MC2R: variants seen among roughly 807,000 people sequenced by gnomAD.
MC2R encodes adrenocorticotropic hormone receptor.
A neutral mutation model predicts 9.8 loss-of-function variants in MC2R; 9 were observed. That is an observed-to-expected ratio of 0.92 (90% CI 0.55 to 1.60). The LOEUF (loss-of-function observed/expected upper bound fraction) is 1.60. Ranked by LOEUF, MC2R falls within the 40% of genes most tolerant of loss-of-function variation. MC2R has a pLI of 0.00. For missense variants in MC2R, 370 were observed against 389.0 expected, an observed-to-expected ratio of 0.95 and a Z score of 0.41; for synonymous variants, 185 against 154.7, an observed-to-expected ratio of 1.20 and a Z score of -1.45.
chr18:13,899,826 A>T (rs1230000848), intron 1 of MC2R, among the ~76,000 whole-genome samples: 1 of 152,182 alleles, frequency 6.6e-6, no homozygotes, highest in African/African-American at 2.4e-5. Flanking sequence ...AGAGTTCATC[A>T]ACACTAGAAC....
intron 1 of MC2R, among the ~76,000 whole-genome samples, chr18:13,895,216 A>G (rs904198239): frequency 6.6e-6 from 1 of 152,266 alleles, no homozygotes; most frequent in Admixed American, 6.5e-5. Context: ...AAAGCATACA[A>G]GAAACAGAGT....
chr18:13,909,118 T>C (rs1179547496), intron 1 of MC2R, among the ~76,000 whole-genome samples: 1 of 151,858 alleles, frequency 6.6e-6, no homozygotes, highest in Non-Finnish European at 1.5e-5. Flanking sequence ...TAGGCTTCTC[T>C]TGGTTGTGAC....
intron 1 of MC2R, among the ~76,000 whole-genome samples, chr18:13,909,778 T>C (rs1446953643): frequency 1.3e-5 from 2 of 152,186 alleles, no homozygotes; most frequent in African/African-American, 4.8e-5. Flanking sequence ...CTGCAAGATG[T>C]TCCAGGCTCA....
chr18:13,894,149 T>TGTGTGTGTGTGCGTGC (rs1177158451), intron 1 of MC2R, among the ~76,000 whole-genome samples: 3 of 152,092 alleles, frequency 2.0e-5, no homozygotes, highest in Non-Finnish European at 2.9e-5. Flanking sequence ...TGTGTGTGTG[T>TGTGTGTGTGTGCGTGC]GTGTGTGTGT....
At chr18:13,910,414 C>G (rs1210282485) in intron 1 of MC2R, among the ~76,000 whole-genome samples, 1 of 152,148 alleles carries the variant, frequency 6.6e-6, no homozygotes, top group Non-Finnish European at 1.5e-5. Context: ...TTTGTTGGCT[C>G]TTCAAGCTCA....
chr18:13,906,527 T>C (rs1372802587), intron 1 of MC2R, among the ~76,000 whole-genome samples: 2 of 152,074 alleles, frequency 1.3e-5, no homozygotes, highest in Admixed American at 6.5e-5. Flanking sequence ...CTGCACGTTC[T>C]GCACATGTAT....
intron 1 of MC2R, among the ~76,000 whole-genome samples, chr18:13,893,444 AG>A (rs1397109277): frequency 6.6e-6 from 1 of 152,228 alleles, no homozygotes; most frequent in Non-Finnish European, 1.5e-5. Context: ...TATTCATACA[AG>A]CTGTGAAGTA....
At chr18:13,913,909 C>G (rs2045461289) in intron 1 of MC2R, among the ~76,000 whole-genome samples, 1 of 152,192 alleles carries the variant, frequency 6.6e-6, no homozygotes, top group African/African-American at 2.4e-5. Flanking sequence ...AGGCTGAGCC[C>G]TGCAGACAAC....
At chr18:13,907,748 C>A (rs1230429638) in intron 1 of MC2R, among the ~76,000 whole-genome samples, 1 of 152,194 alleles carries the variant, frequency 6.6e-6, no homozygotes, top group Non-Finnish European at 1.5e-5. Context: ...CAAAATAAGA[C>A]ATACAAATGG....
In MC2R at chr18:13,885,083, G is replaced by A. The variant is rs376816776; in HGVS notation, c.436C>T (p.Arg146Cys). 3.1e-6 allele frequency: 5 copies of A among 1,614,156 alleles called. No individual in the cohort carries two copies. Among genetic ancestry groups the A allele is most frequent in the Non-Finnish European group, 4.2e-6 (5 of 1,180,036 alleles). Residue 146 changes from arginine to cysteine, a missense_variant, in exon 2 of 2, where the codon CGC becomes TGC. Transcript: ENST00000327606. ...ATGACCGTAAGCACCACCACAGTGCGGCGCATGGTCACGATGCTGTGGTAC... is the reference window on the plus strand; with the variant it reads ...ATGACCGTAAGCACCACCACAGTGCAGCGCATGGTCACGATGCTGTGGTAC... ...LRYHSIVTMR[R>C]TVVVLTVIWT...
In MC2R at chr18:13,898,480, C is replaced by T. The variant is rs1217672548; in HGVS notation, c.-128-12834G>A. Among the ~76,000 whole-genome samples, 7 of 152,242 alleles carry T rather than the reference C, an allele frequency of 4.6e-5. No homozygotes were observed. In the South Asian group the frequency reaches 8.3e-4, roughly 18 times the overall value. On this transcript the variant is annotated intron_variant, in intron 1 of 1. Transcript: ENST00000327606. ...CCTGAAAGGAAAGACACAGGCCTGGCTGGCTTTTCCACCTGCGGATTGTAG... is the reference window on the plus strand; with the variant it reads ...CCTGAAAGGAAAGACACAGGCCTGGTTGGCTTTTCCACCTGCGGATTGTAG...
chr18:13,887,569 T>A (rs1317372986), intron 1 of MC2R, among the ~76,000 whole-genome samples: 2 of 152,204 alleles, frequency 1.3e-5, no homozygotes, highest in East Asian at 3.9e-4. Context: ...GTTCTAGGTG[T>A]GTCTGAGGGT....
rs1363803881 is a variant in MC2R at position 13,883,773 on chromosome 18, T to C, written c.*852A>G. ...ACAGCTTCTTCAAATAGTGACAATT[T>C]TCATCTGGCCTTTATGTATTCCCAC... On this transcript the variant is annotated 3_prime_UTR_variant, in exon 2 of 2. Transcript: ENST00000327606. 6.6e-6 allele frequency: 1 copy of C among 152,212 alleles called. No individual in the cohort carries two copies. Among genetic ancestry groups the C allele is most frequent in the Non-Finnish European group, 1.5e-5 (1 of 68,054 alleles). The allele number at this position is 152,212 out of a possible 1,614,324, so 9.4% of individuals were successfully genotyped here. A position where few individuals can be genotyped will look rare whatever the true frequency, so the allele number is the denominator to read the frequency against.
chr18:13,888,457 C>T (rs770776418), intron 1 of MC2R, among the ~76,000 whole-genome samples: 1 of 152,218 alleles, frequency 6.6e-6, no homozygotes. Context: ...GATGCATTCA[C>T]TCACTCAACC....
At chr18:13,892,575 G>C (rs1250226877) in intron 1 of MC2R, among the ~76,000 whole-genome samples, 1 of 152,080 alleles carries the variant, frequency 6.6e-6, no homozygotes, top group African/African-American at 2.4e-5. Flanking sequence ...CTAGATGCTT[G>C]GCTTGAACAG....
intron 1 of MC2R, among the ~76,000 whole-genome samples, chr18:13,898,223 G>A (rs897622886): frequency 5.3e-5 from 8 of 152,168 alleles, no homozygotes; most frequent in South Asian, 2.1e-4. Flanking sequence ...AGGAAACATC[G>A]GTGGTAGGCT....
At chr18:13,897,098 T>G (rs997275293) in intron 1 of MC2R, among the ~76,000 whole-genome samples, 2 of 152,188 alleles carry the variant, frequency 1.3e-5, no homozygotes, top group East Asian at 3.8e-4. Flanking sequence ...AACTTCATAT[T>G]GCTGAAAGAA....
chr18:13,882,998 C>A lies in MC2R; in HGVS notation c.*1627G>T, dbSNP rs2045242600. The A allele has an allele frequency of 6.6e-6, 1 of 152,252 alleles. No individual in the cohort carries two copies. Among genetic ancestry groups the A allele is most frequent in the East Asian group, 1.9e-4 (1 of 5,190 alleles). The allele number at this position is 152,252 out of a possible 1,614,324, so 9.4% of individuals were successfully genotyped here. On this transcript the variant is annotated 3_prime_UTR_variant, in exon 2 of 2. Coordinates refer to ENST00000327606, the MANE Select transcript of MC2R (RefSeq NM_000529.2). ...GACAGGCCATGTGAAAGCACGCCTG[C>A]CACTGTCCTCACTTGACTCCAGCTG...
At chr18:13,894,165 C>A (rs1442352023) in intron 1 of MC2R, among the ~76,000 whole-genome samples, 1 of 151,026 alleles carries the variant, frequency 6.6e-6, no homozygotes, top group Admixed American at 6.6e-5. Flanking sequence ...TGTGTGCGTG[C>A]ATGTGTGTGT....
Sources: gnomAD v4.1 joint callset for allele counts (sites outside exome capture counted in the v4.1 genomes callset) on GRCh38, gnomAD v4.1.1 for gene constraint, MANE v1.5 for transcripts, NCBI Gene and HGNC (gene_info 2026-07-23, HGNC 2026-07-21) for gene names.